The following NRXN1 variants were observed in gnomAD, a reference collection of about 807,000 sequenced individuals.
NRXN1 encodes neurexin-1.
Under a neutral mutation model 150.9 loss-of-function variants are expected in NRXN1, and 39 were observed. The observed-to-expected ratio is 0.26, with a 90% confidence interval of 0.20 to 0.34. NRXN1 has a LOEUF of 0.34. NRXN1 is among the 10% of genes least tolerant of loss of function. NRXN1 has a pLI of 1.00. For synonymous variants in NRXN1, 924 were observed against 757.0 expected (o/e 1.22, Z -3.62); for missense variants, 1,815 against 1,949.9 (o/e 0.93, Z 1.30).
chr2:50,741,772 TTACCATCACTA>T (rs1209123782), intron 5 of NRXN1, among the ~76,000 whole-genome samples: 1 of 152,170 alleles, frequency 6.6e-6, no homozygotes, highest in Non-Finnish European at 1.5e-5. Context: ...CCAGAGAATG[TTACCATCACTA>T]GGATGACTTA....
chr2:50,254,400 G>A (rs996156300), intron 17 of NRXN1, among the ~76,000 whole-genome samples: 8 of 149,784 alleles, frequency 5.3e-5, no homozygotes, highest in African/African-American at 1.7e-4. Flanking sequence ...GAGTTTTTTT[G>A]TGTCTTTAGC....
At position 51,027,617 on chromosome 2, in the gene NRXN1, C is replaced by A; in HGVS notation, c.657G>T (p.Ala219=). Residue 219 remains alanine, a synonymous_variant, in exon 2 of 23, where the codon GCG becomes GCT. Coordinates refer to ENST00000401669, the MANE Select transcript of NRXN1 (RefSeq NM_001330078.2). The stretch of plus-strand genomic sequence containing the variant: ...ACACCCCGCCCTCGCCCTCCTCGCC[C>A]GCCTCGCACGGGCTTCCCCCGCCGC... ...PNSGGGSPCE[A]GEEGEGGVCL... 1 of 1,586,968 alleles carries A rather than the reference C, an allele frequency of 6.3e-7. No homozygotes were observed. The highest frequency in any genetic ancestry group is 8.6e-7 in the Non-Finnish European group (1 of 1,166,742).
intron 3 of NRXN1, chr2:50,923,354 A>G (rs752306806): frequency 7.6e-6 from 2 of 264,198 alleles, no homozygotes; most frequent in Admixed American, 3.9e-5. Flanking sequence ...AATTTTCCTC[A>G]GAGAACAAAA....
chr2:50,797,762 A>T (rs369918525), intron 5 of NRXN1, among the ~76,000 whole-genome samples: 15 of 152,298 alleles, frequency 9.8e-5, no homozygotes, highest in East Asian at 9.7e-4. Context: ...AATAAATGGT[A>T]GCCCTGGCAT....
At chr2:50,067,566 T>A (rs373406928) in intron 19 of NRXN1, among the ~76,000 whole-genome samples, 3 of 152,138 alleles carry the variant, frequency 2.0e-5, no homozygotes, top group Non-Finnish European at 2.9e-5. Flanking sequence ...GGTAACAAAA[T>A]ACAGAACTTA....
At chr2:50,552,485 AT>A (rs1241287723) in intron 9 of NRXN1, 101 bp downstream of exon 9, 4 of 831,362 alleles carry the variant, frequency 4.8e-6, no homozygotes, top group Non-Finnish European at 7.8e-6. Context: ...AAAGAAACAA[AT>A]GCAGGAAGTC....
At chr2:50,166,047 A>C (rs893828410) in intron 18 of NRXN1, among the ~76,000 whole-genome samples, 2 of 152,108 alleles carry the variant, frequency 1.3e-5, no homozygotes, top group African/African-American at 4.8e-5. Context: ...CCAATGATAC[A>C]GGCTGAGCAA....
intron 5 of NRXN1, among the ~76,000 whole-genome samples, chr2:50,705,564 T>G (rs933895756): frequency 6.6e-6 from 1 of 152,236 alleles, no homozygotes; most frequent in African/African-American, 2.4e-5. Context: ...TTCATAATTT[T>G]AGATTACTGG....
At chr2:49,941,405 AC>A (rs1259770326) in intron 22 of NRXN1, among the ~76,000 whole-genome samples, 1 of 151,420 alleles carries the variant, frequency 6.6e-6, no homozygotes, top group Admixed American at 6.6e-5. Context: ...TTCTTCCTCC[AC>A]CATCTTGTTC....
At chr2:50,192,767 C>T (rs376308921) in intron 18 of NRXN1, among the ~76,000 whole-genome samples, 94 of 152,136 alleles carry the variant, frequency 6.2e-4, no homozygotes, top group African/African-American at 2.1e-3. Flanking sequence ...CCACCACTCC[C>T]GGCTAATTTT....
At chr2:50,270,913 C>T (rs1195604949) in intron 17 of NRXN1, among the ~76,000 whole-genome samples, 1 of 152,094 alleles carries the variant, frequency 6.6e-6, no homozygotes, top group Admixed American at 6.6e-5. Context: ...CCTGCTTTGG[C>T]CTCCCAAAGT....
chr2:50,968,945 T>A (rs1694556576), intron 2 of NRXN1, among the ~76,000 whole-genome samples: 1 of 152,108 alleles, frequency 6.6e-6, no homozygotes, highest in African/African-American at 2.4e-5. Context: ...TCTGAACACC[T>A]TAGTCTGGCC....
intron 21 of NRXN1, among the ~76,000 whole-genome samples, chr2:49,975,155 G>C (rs190943303): frequency 6.6e-6 from 1 of 151,118 alleles, no homozygotes; most frequent in Non-Finnish European, 1.5e-5. Flanking sequence ...TGACAGGGTA[G>C]GCTATAAGTG....
intron 13 of NRXN1, among the ~76,000 whole-genome samples, chr2:50,502,019 T>C (rs946542699): frequency 2.0e-5 from 3 of 152,186 alleles, no homozygotes; most frequent in Non-Finnish European, 4.4e-5. Flanking sequence ...GAAACTCCCA[T>C]TGCTTCTCTG....
chr2:50,796,808 C>G lies in NRXN1; in HGVS notation c.832+125061G>C, dbSNP rs577237367. 2.0e-5 allele frequency among the ~76,000 whole-genome samples: 3 copies of G among 152,248 alleles called. No homozygotes were observed. In the East Asian group the frequency reaches 5.8e-4, roughly 29 times the overall value. ...TTTTTAGTATTTTAGTCCATTTGGG[C>G]TGCTACAGCAAAACACCTTCAGTTG... On this transcript the variant is annotated intron_variant, in intron 5 of 22. Transcript: ENST00000401669.
chr2:50,177,786 TC>T (rs2060444960), intron 18 of NRXN1, among the ~76,000 whole-genome samples: 1 of 147,006 alleles, frequency 6.8e-6, no homozygotes, highest in Non-Finnish European at 1.5e-5. Flanking sequence ...TCTCTCTCTC[TC>T]TCTCTCTCTC....
intron 8 of NRXN1, among the ~76,000 whole-genome samples, chr2:50,575,642 C>A (rs1047179752): frequency 2.6e-5 from 4 of 152,080 alleles, no homozygotes; most frequent in African/African-American, 4.8e-5. Flanking sequence ...ATTAGAGTTT[C>A]TCTTATTATA....
chr2:51,027,357 G>T, intron 2 of NRXN1, 145 bp downstream of exon 2: 1 of 785,416 alleles, frequency 1.3e-6, no homozygotes, highest in Non-Finnish European at 1.8e-6. Flanking sequence ...GTAAGGTAGA[G>T]AGTCCCCCAG....
intron 18 of NRXN1, among the ~76,000 whole-genome samples, chr2:50,135,407 A>C (rs1206842439): frequency 6.6e-6 from 1 of 152,228 alleles, no homozygotes; most frequent in African/African-American, 2.4e-5. Flanking sequence ...GAGTAAAAGA[A>C]GCTGCCCAAT....
Sources: allele counts gnomAD v4.1 joint callset (sites outside exome capture counted in the v4.1 genomes callset), GRCh38; gene constraint gnomAD v4.1.1; transcripts MANE v1.5; gene names NCBI Gene and HGNC (gene_info 2026-07-23, HGNC 2026-07-21).